CD6: variants seen among roughly 807,000 people sequenced by gnomAD.
The protein encoded by CD6 is T-cell differentiation antigen CD6.
In CD6, 53 loss-of-function variants were observed where a neutral mutation model predicts 75.3. The ratio of observed to expected loss-of-function variants is 0.70; its 90% CI spans 0.56 to 0.88. The LOEUF (loss-of-function observed/expected upper bound fraction) is 0.88. Ranked by LOEUF, CD6 falls within the 40% of genes least tolerant of loss-of-function variation. The pLI, the probability that CD6 is intolerant of heterozygous loss-of-function variation, is 0.00. For synonymous variants in CD6, 359 were observed against 381.5 expected, an observed-to-expected ratio of 0.94 and a Z score of 0.69; for missense variants, 770 against 897.1, an observed-to-expected ratio of 0.86 and a Z score of 1.81.
At chr11:60,973,320 G>A (rs373267567) in intron 1 of CD6, among the ~76,000 whole-genome samples, 3 of 152,226 alleles carry the variant, frequency 2.0e-5, no homozygotes, top group African/African-American at 2.4e-5. Flanking sequence ...CCTGGGCAGA[G>A]CTCAGGGAGG....
chr11:61,001,139 T>C (rs1472364367), intron 1 of CD6, among the ~76,000 whole-genome samples: 1 of 152,068 alleles, frequency 6.6e-6, no homozygotes, highest in Non-Finnish European at 1.5e-5. Flanking sequence ...AAATAATTAT[T>C]ATTTTTCAAT....
rs190049387 is a variant in CD6 at position 61,017,223 on chromosome 11, G to A, written c.1511-256G>A. ...CTTGATACCTCTCTAAGTAGCAGGAGGGACAGCTGGGGCTGGGGGCTGGGG... is the reference window on the plus strand; with the variant it reads ...CTTGATACCTCTCTAAGTAGCAGGAAGGACAGCTGGGGCTGGGGGCTGGGG... On this transcript the variant is annotated intron_variant, in intron 9 of 12. Transcript: ENST00000313421. 431 of 520,736 alleles carry A rather than the reference G, an allele frequency of 8.3e-4. 8 individuals carry two copies. The Admixed American group carries it at 0.013, about 15-fold the overall frequency. The allele number at this position is 520,736 out of a possible 1,614,324, so 32.3% of individuals were successfully genotyped here. A position where few individuals can be genotyped will look rare whatever the true frequency, so the allele number is the denominator to read the frequency against.
At chr11:60,991,324 T>C (rs1858057754) in intron 1 of CD6, among the ~76,000 whole-genome samples, 2 of 151,846 alleles carry the variant, frequency 1.3e-5, no homozygotes, top group Non-Finnish European at 1.5e-5. Flanking sequence ...CTAATTGTTT[T>C]GTATTTTTAG....
intron 9 of CD6, 133 bp from the exon 10 acceptor site, chr11:61,017,345 GC>G (rs1859448479): frequency 1.5e-6 from 1 of 669,562 alleles, no homozygotes; most frequent in African/African-American, 1.8e-5. Context: ...GAAATGCTAA[GC>G]CCTCTCTGCC....
At chr11:61,013,832 G>A (rs956898620) in intron 7 of CD6, 87 bp from the exon 8 acceptor site, 1 of 898,436 alleles carries the variant, frequency 1.1e-6, no homozygotes, top group Non-Finnish European at 1.7e-6. Flanking sequence ...TGAGGAGGGT[G>A]GTGTGTCGAT....
intron 9 of CD6, among the ~76,000 whole-genome samples, chr11:61,016,159 G>A (rs73478347): frequency 0.073 from 11,104 of 152,172 alleles, 714 homozygotes; most frequent in African/African-American, 0.18. Flanking sequence ...GGGGGAGTGC[G>A]GATGAGAGAC....
Position 61,007,653 on chromosome 11 carries a change from G to A in CD6, c.212G>A (p.Gly71Glu), listed in dbSNP as rs1419208314. The change falls in exon 3 of 13, where the codon GGG becomes GAG. Residue 71 changes from glycine (G) to glutamate (E), a missense_variant. By Grantham distance (98) the Gly-to-Glu change is moderately conservative. Coordinates refer to ENST00000313421, the MANE Select transcript of CD6 (RefSeq NM_006725.5). This position sits in a 1 kb window ranked among gnomAD's most constrained non-coding sequence, Gnocchi z 4.2. ...RLEASWEPAC[G>E]ALWDSRAAEA... ...GAGGCGTCCTGGGAGCCCGCGTGCGGGGCGCTCTGGGACAGCCGCGCCGCC... is the reference window on the plus strand; with the variant it reads ...GAGGCGTCCTGGGAGCCCGCGTGCGAGGCGCTCTGGGACAGCCGCGCCGCC... The A allele has an allele frequency of 6.8e-7, 1 of 1,460,676 alleles. No homozygotes were observed. The highest frequency in any genetic ancestry group is 9.0e-7 in the Non-Finnish European group (1 of 1,105,896). 90.5% of individuals were successfully genotyped at this position (1,460,676 alleles called of 1,614,324 possible). A position where few individuals can be genotyped will look rare whatever the true frequency, so the allele number is the denominator to read the frequency against.
chr11:60,998,081 C>T (rs7929471), intron 1 of CD6, among the ~76,000 whole-genome samples: 39,630 of 152,092 alleles, frequency 0.26, 5,930 homozygotes, highest in African/African-American at 0.4. Context: ...TGACAGCATA[C>T]TGAAAACAGT....
At position 61,009,561 on chromosome 11, in the gene CD6, C is replaced by T. The variant is rs1859045016; in HGVS notation, c.782-11C>T. 2.5e-6 allele frequency: 4 copies of T among 1,586,022 alleles called. No homozygotes were observed. Among genetic ancestry groups the T allele is most frequent in the Admixed American group, 1.7e-5 (1 of 57,812 alleles). On this transcript the variant is annotated splice_polypyrimidine_tract_variant and intron_variant, in intron 4 of 12. Coordinates refer to ENST00000313421, the MANE Select transcript of CD6 (RefSeq NM_006725.5). ...TCTGACCTGACTCTGTCCCCTGCCC[C>T]TTCCCTGCAGAGCACCAGTCCTGGC...
At position 61,018,357 on chromosome 11, in the gene CD6, C is replaced by G; in HGVS notation, c.1906C>G (p.Pro636Ala). Residue 636 changes from proline (P) to alanine (A), a missense_variant, in exon 12 of 13, where the codon CCC (proline) becomes GCC (alanine). Coordinates refer to ENST00000313421, the MANE Select transcript of CD6 (RefSeq NM_006725.5). ...GEWYQNFQPP[P>A]QPPSEEQFGC... is the part of the protein sequence containing the mutation. ...GTGGTACCAGAACTTCCAGCCACCA[C>G]CCCAGCCCCCTTCGGAGGAGCAGTT... The G allele has an allele frequency of 6.2e-7, 1 of 1,605,944 alleles. No individual in the cohort carries two copies. Among genetic ancestry groups the G allele is most frequent in the Non-Finnish European group, 8.5e-7 (1 of 1,176,204 alleles).
At chr11:61,014,144 C>A in intron 8 of CD6, 130 bp downstream of exon 8, 1 of 640,450 alleles carries the variant, frequency 1.6e-6, no homozygotes, top group Non-Finnish European at 2.6e-6. Context: ...CAGCCCACTC[C>A]CGGCCCTGGG....
intron 6 of CD6, among the ~76,000 whole-genome samples, chr11:61,012,113 G>C (rs1014350240): frequency 4.6e-5 from 7 of 152,310 alleles, no homozygotes; most frequent in African/African-American, 1.7e-4. Context: ...CAGTGAACAG[G>C]GGTTTGGGGA....
intron 1 of CD6, among the ~76,000 whole-genome samples, chr11:60,998,849 G>GAAA (rs56391909): frequency 7.7e-6 from 1 of 129,372 alleles, no homozygotes; most frequent in Non-Finnish European, 1.6e-5. Flanking sequence ...ACACAAGGCA[G>GAAA]AAAAAAAAAA....
chr11:61,018,382 T>C lies in CD6; in HGVS notation c.1931T>C (p.Phe644Ser), dbSNP rs1376662002. ...CCCCAGCCCCCTTCGGAGGAGCAGT[T>C]TGGCTGTCCAGGTGCCAATATCTGG... is the stretch of plus-strand genomic sequence containing the variant. ...PPPQPPSEEQ[F>S]GCPGSPSPQP... Residue 644 changes from phenylalanine (F) to serine (S), a missense_variant, in exon 12 of 13, where the codon TTT (phenylalanine) becomes TCT (serine). Transcript: ENST00000313421. 2.5e-6 allele frequency: 4 copies of C among 1,594,770 alleles called. No individual in the cohort carries two copies. The African/African-American group carries it at 5.4e-5, about 21-fold the overall frequency.
intron 1 of CD6, among the ~76,000 whole-genome samples, chr11:61,002,720 T>C (rs7123987): frequency 0.92 from 140,720 of 152,266 alleles, 65,416 homozygotes; most frequent in East Asian, 1. Context: ...ATTTATTTCT[T>C]ATAGTTCTGC....
rs1590730972 is a variant in CD6, at chr11:61,017,613, C to A, written c.1582+63C>A. The A allele has an allele frequency of 2.6e-6, 4 of 1,564,260 alleles. No homozygotes were observed. The East Asian group carries it at 9.0e-5, about 35-fold the overall frequency. On this transcript the variant is annotated intron_variant, in intron 10 of 12. Transcript: ENST00000313421. ...ACCTCCAGAGAGTAGCTCAGCTCAG[C>A]TTGAGACCTTCCAGCAGGAACCTCC...
chr11:61,006,776 A>T, intron 2 of CD6, 134 bp downstream of exon 2: 1 of 706,722 alleles, frequency 1.4e-6, no homozygotes, highest in Admixed American at 2.2e-5. Flanking sequence ...TTCCTGACCC[A>T]TCACCTGAAG....
chr11:60,974,546 C>T (rs1422486945), intron 1 of CD6, among the ~76,000 whole-genome samples: 1 of 152,210 alleles, frequency 6.6e-6, no homozygotes, highest in Non-Finnish European at 1.5e-5. Flanking sequence ...CGCCCAGCCT[C>T]CTTCTTCCCT....
intron 1 of CD6, among the ~76,000 whole-genome samples, chr11:61,000,329 C>T (rs79902936): frequency 1.4e-5 from 2 of 139,682 alleles, no homozygotes; most frequent in African/African-American, 5.5e-5. Context: ...TTTTTTTTAA[C>T]TATACTTCTA....
Sources: gnomAD v4.1 joint callset for allele counts (sites outside exome capture counted in the v4.1 genomes callset) on GRCh38, gnomAD v4.1.1 for gene constraint, Gnocchi (gnomAD v3.1) non-coding constraint, MANE v1.5 for transcripts, NCBI Gene and HGNC (gene_info 2026-07-23, HGNC 2026-07-21) for gene names.